Variants in ANKDD1B observed in about 807,000 individuals in gnomAD.
ANKDD1B encodes the protein ankyrin repeat and death domain containing 1B.
A neutral mutation model predicts 59.7 loss-of-function variants in ANKDD1B; 57 were observed. The observed-to-expected ratio is 0.95, with a 90% confidence interval of 0.77 to 1.19. The LOEUF is 1.19. Ranked by LOEUF, ANKDD1B falls within the 50% of genes most tolerant of loss-of-function variation. ANKDD1B has a pLI of 0.00. For missense variants in ANKDD1B, 602 were observed against 641.9 expected (o/e 0.94, Z 0.67); for synonymous variants, 216 against 239.5 (o/e 0.90, Z 0.91).
chr5:75,624,665 C>T lies in ANKDD1B; in HGVS notation c.397-982C>T, dbSNP rs76444081. Among the ~76,000 whole-genome samples the T allele has an allele frequency of 1.1e-3, 166 of 152,290 alleles. 1 individual carries two copies. In the East Asian group the frequency reaches 0.028, roughly 26 times the overall value. ...TGTTTTTTTCACCTGTGTGTACCCT[C>T]TCCTCCTCTGGTAACCATACTTAAC... On this transcript the variant is annotated intron_variant, in intron 3 of 13. Coordinates refer to ENST00000601380, the MANE Select transcript of ANKDD1B (RefSeq NM_001276713.2).
At chr5:75,655,882 C>G in intron 8 of ANKDD1B, 147 bp from the exon 9 acceptor site, 1 of 518,536 alleles carries the variant, frequency 1.9e-6, no homozygotes, top group South Asian at 2.6e-5. Context: ...ACAATAAATG[C>G]TGAACACTTA....
intron 1 of ANKDD1B, among the ~76,000 whole-genome samples, chr5:75,613,145 G>A (rs947949070): frequency 3.9e-5 from 6 of 152,186 alleles, no homozygotes; most frequent in Non-Finnish European, 7.3e-5. Flanking sequence ...TGGGAAAGAT[G>A]TCTGATTAGC....
intron 7 of ANKDD1B, among the ~76,000 whole-genome samples, chr5:75,642,410 C>G (rs964733889): frequency 3.4e-5 from 5 of 148,688 alleles, no homozygotes; most frequent in African/African-American, 1.3e-4. Flanking sequence ...CGAGCCGAAG[C>G]AGGGCGAGGC....
At chr5:75,653,637 A>C (rs1304980055) in intron 8 of ANKDD1B, among the ~76,000 whole-genome samples, 1 of 152,168 alleles carries the variant, frequency 6.6e-6, no homozygotes, top group Non-Finnish European at 1.5e-5. Context: ...TTTTCTTTTG[A>C]AAGTCAATTC....
chr5:75,615,162 A>AT (rs1284967921), intron 1 of ANKDD1B, among the ~76,000 whole-genome samples: 2 of 152,172 alleles, frequency 1.3e-5, no homozygotes, highest in Non-Finnish European at 2.9e-5. Context: ...AGGTTGCAGA[A>AT]TTTCTGGACT....
chr5:75,660,450 A>C (rs1775103256), intron 10 of ANKDD1B, among the ~76,000 whole-genome samples: 1 of 152,266 alleles, frequency 6.6e-6, no homozygotes, highest in African/African-American at 2.4e-5. Context: ...AAGCTAAATA[A>C]CATTTCATTG....
chr5:75,622,591 A>AT (rs1219821621), intron 3 of ANKDD1B, among the ~76,000 whole-genome samples: 1 of 152,176 alleles, frequency 6.6e-6, no homozygotes, highest in Non-Finnish European at 1.5e-5. Flanking sequence ...TGCTCAGAGG[A>AT]TAAAAACATC....
chr5:75,636,053 G>A (rs1774293240), intron 7 of ANKDD1B, among the ~76,000 whole-genome samples, 171 bp downstream of exon 7: 1 of 152,220 alleles, frequency 6.6e-6, no homozygotes, highest in Admixed American at 6.5e-5. Context: ...CACTTCATTT[G>A]TTAATCCATT....
At chr5:75,622,077 T>C (rs919030293) in intron 3 of ANKDD1B, among the ~76,000 whole-genome samples, 1 of 152,244 alleles carries the variant, frequency 6.6e-6, no homozygotes, top group African/African-American at 2.4e-5. Flanking sequence ...CTTCTTTATC[T>C]GAATGGTGAG....
At chr5:75,630,822 C>G (rs1056633883) in intron 5 of ANKDD1B, among the ~76,000 whole-genome samples, 4 of 152,336 alleles carry the variant, frequency 2.6e-5, no homozygotes, top group Non-Finnish European at 4.4e-5. Context: ...TCTTAGCTGT[C>G]TGCCTGTCAG....
intron 8 of ANKDD1B, among the ~76,000 whole-genome samples, chr5:75,654,450 C>T (rs955230110): frequency 6.6e-6 from 1 of 152,112 alleles, no homozygotes; most frequent in African/African-American, 2.4e-5. Context: ...AAACTGTCAG[C>T]CTGGTGTTTA....
chr5:75,634,791 G>T (rs1396529808), intron 5 of ANKDD1B, 107 bp from the exon 6 acceptor site: 4 of 676,548 alleles, frequency 5.9e-6, no homozygotes, highest in Non-Finnish European at 5.0e-6. Context: ...CTGAAGAAGG[G>T]CCATCTTGGA....
intron 1 of ANKDD1B, among the ~76,000 whole-genome samples, chr5:75,613,936 G>C (rs1773640955): frequency 6.6e-6 from 1 of 152,158 alleles, no homozygotes; most frequent in Non-Finnish European, 1.5e-5. Flanking sequence ...GACCAGCCTG[G>C]ACCACGTAAC....
chr5:75,653,008 A>G, intron 7 of ANKDD1B, 134 bp from the exon 8 acceptor site: 1 of 677,112 alleles, frequency 1.5e-6, no homozygotes, highest in Non-Finnish European at 2.6e-6. Flanking sequence ...GTCATTGACC[A>G]AATCACTGTT....
intron 9 of ANKDD1B, among the ~76,000 whole-genome samples, chr5:75,658,601 A>C (rs1302544916): frequency 6.6e-6 from 1 of 152,194 alleles, no homozygotes; most frequent in Admixed American, 6.5e-5. Context: ...AATAAAAATA[A>C]ACTCTAATCC....
intron 5 of ANKDD1B, among the ~76,000 whole-genome samples, chr5:75,626,461 A>G (rs1462179413): frequency 6.6e-6 from 1 of 152,234 alleles, no homozygotes; most frequent in African/African-American, 2.4e-5. Context: ...ATTTACATAC[A>G]TTATTTCAGT....
intron 7 of ANKDD1B, among the ~76,000 whole-genome samples, chr5:75,648,386 C>G (rs937705254): frequency 2.0e-5 from 3 of 152,002 alleles, no homozygotes; most frequent in Admixed American, 2.0e-4. Flanking sequence ...CGGTATCCCC[C>G]TTCAAGTTCC....
At chr5:75,618,951 G>A (rs1773781515) in intron 2 of ANKDD1B, among the ~76,000 whole-genome samples, 1 of 152,082 alleles carries the variant, frequency 6.6e-6, no homozygotes, top group Non-Finnish European at 1.5e-5. Flanking sequence ...TCACCATGTT[G>A]GCCAGGCTGG....
chr5:75,655,627 T>A (rs1287116272), intron 8 of ANKDD1B, among the ~76,000 whole-genome samples: 1 of 152,156 alleles, frequency 6.6e-6, no homozygotes, highest in Non-Finnish European at 1.5e-5. Flanking sequence ...CTTCCCCCTA[T>A]CCCCACACTG....
Sources: allele counts gnomAD v4.1 joint callset (sites outside exome capture counted in the v4.1 genomes callset), GRCh38; gene constraint gnomAD v4.1.1; transcripts MANE v1.5; gene names NCBI Gene and HGNC (gene_info 2026-07-23, HGNC 2026-07-21).